DPP6: variants seen among roughly 807,000 people sequenced by gnomAD.
DPP6 encodes the protein dipeptidyl peptidase like 6, also known as A-type potassium channel modulatory protein DPP6.
In DPP6, 69 loss-of-function variants were observed where a neutral mutation model predicts 122.6. That is an observed-to-expected ratio of 0.56 (90% CI 0.46 to 0.69). The LOEUF is 0.69. Ranked by LOEUF, DPP6 falls within the 30% of genes least tolerant of loss-of-function variation. DPP6 has a pLI of 0.00. For missense variants in DPP6, 928 were observed against 1,116.9 expected, an observed-to-expected ratio of 0.83 and a Z score of 2.41; for synonymous variants, 418 against 433.1, an observed-to-expected ratio of 0.97 and a Z score of 0.43.
At chr7:154,268,476 A>G (rs1803578693) in intron 1 of DPP6, among the ~76,000 whole-genome samples, 1 of 152,186 alleles carries the variant, frequency 6.6e-6, no homozygotes, top group Non-Finnish European at 1.5e-5. Flanking sequence ...GATTTCCTTT[A>G]TAAGGGCATT....
At chr7:154,673,644 T>C (rs1431705489) in intron 7 of DPP6, among the ~76,000 whole-genome samples, 4 of 152,192 alleles carry the variant, frequency 2.6e-5, no homozygotes, top group African/African-American at 7.2e-5. Context: ...GGACCCAGGA[T>C]GTGATCTAGG....
intron 18 of DPP6, among the ~76,000 whole-genome samples, 186 bp downstream of exon 18, chr7:154,868,279 C>T (rs1274615395): frequency 1.3e-5 from 2 of 152,054 alleles, no homozygotes; most frequent in Non-Finnish European, 2.9e-5. Context: ...ACTCTGGTGA[C>T]AAAACCAAAA....
At chr7:154,574,271 G>A (rs1053188741) in intron 5 of DPP6, among the ~76,000 whole-genome samples, 1 of 146,370 alleles carries the variant, frequency 6.8e-6, no homozygotes, top group Non-Finnish European at 1.5e-5. Context: ...GTATGTGTGT[G>A]GGGTCTGTGT....
Position 154,127,595 on chromosome 7 carries a change from TCTCACACACA to T in DPP6, c.243+74534_243+74543del, listed in dbSNP as rs1251815533. 8.3e-4 allele frequency among the ~76,000 whole-genome samples: 48 copies of T among 57,764 alleles called. No homozygotes were observed. In the East Asian group the frequency reaches 0.017, roughly 21 times the overall value. 37.9% of individuals were successfully genotyped at this position (57,764 alleles called of 152,430 possible). A position where few individuals can be genotyped will look rare whatever the true frequency, so the allele number is the denominator to read the frequency against. On this transcript the variant is annotated intron_variant, in intron 1 of 25. Coordinates refer to ENST00000377770, the MANE Select transcript of DPP6 (RefSeq NM_130797.4). The stretch of plus-strand genomic sequence containing the variant: ...GGAGTTGGGGTAAACAGGAGCAGCA[TCTCACACACA>T]CACACACACACACACACACACACAC...
intron 10 of DPP6, among the ~76,000 whole-genome samples, chr7:154,775,239 A>G (rs1033565819): frequency 2.0e-5 from 3 of 152,116 alleles, no homozygotes; most frequent in Non-Finnish European, 4.4e-5. Flanking sequence ...CAGTTTCCTC[A>G]TCTGTAAAAT....
intron 1 of DPP6, among the ~76,000 whole-genome samples, chr7:154,425,525 G>T (rs1214173240): frequency 6.6e-6 from 1 of 151,830 alleles, no homozygotes; most frequent in Non-Finnish European, 1.5e-5. Flanking sequence ...TTGCTAGTTA[G>T]TTGATACATG....
chr7:154,691,591 G>A (rs371697568), intron 7 of DPP6, among the ~76,000 whole-genome samples: 12 of 152,256 alleles, frequency 7.9e-5, no homozygotes, highest in African/African-American at 2.4e-4. Flanking sequence ...AAGCCGAGGC[G>A]GGTGGATCAG....
intron 1 of DPP6, among the ~76,000 whole-genome samples, chr7:153,924,388 G>A (rs1337559386): frequency 4.6e-5 from 7 of 152,126 alleles, no homozygotes; most frequent in Non-Finnish European, 7.4e-5. Flanking sequence ...GATTACAGGC[G>A]TGAGCCACTG....
intron 9 of DPP6, among the ~76,000 whole-genome samples, chr7:154,771,923 C>T (rs1050457195): frequency 6.6e-6 from 1 of 152,198 alleles, no homozygotes; most frequent in Non-Finnish European, 1.5e-5. Flanking sequence ...CAGCTGTTCA[C>T]AGCCACCCCA....
At chr7:154,087,652 T>C (rs544142338) in intron 1 of DPP6, among the ~76,000 whole-genome samples, 1 of 152,300 alleles carries the variant, frequency 6.6e-6, no homozygotes, top group African/African-American at 2.4e-5. Flanking sequence ...ATGAAGGCTC[T>C]TAGTTTAAAA....
chr7:154,847,332 C>G (rs1468647323), intron 16 of DPP6, among the ~76,000 whole-genome samples: 1 of 152,128 alleles, frequency 6.6e-6, no homozygotes, highest in Non-Finnish European at 1.5e-5. Flanking sequence ...GTAGAAATAT[C>G]TTTTAAATAT....
At chr7:154,670,037 T>C (rs1210176460) in intron 7 of DPP6, among the ~76,000 whole-genome samples, 1 of 152,162 alleles carries the variant, frequency 6.6e-6, no homozygotes, top group Non-Finnish European at 1.5e-5. Flanking sequence ...TTTTTGTATA[T>C]TTAGTAGAGA....
At chr7:154,250,200 G>GTT (rs1222389848) in intron 1 of DPP6, among the ~76,000 whole-genome samples, 1 of 152,008 alleles carries the variant, frequency 6.6e-6, no homozygotes, top group Non-Finnish European at 1.5e-5. Context: ...CGGGAGCTTG[G>GTT]TTTTTGAGAC....
At chr7:153,912,292 G>A (rs1585020622) in intron 1 of DPP6, among the ~76,000 whole-genome samples, 1 of 152,122 alleles carries the variant, frequency 6.6e-6, no homozygotes, top group Non-Finnish European at 1.5e-5. Context: ...CAAATAAAAC[G>A]AACTGGAACC....
intron 5 of DPP6, among the ~76,000 whole-genome samples, chr7:154,608,028 G>A (rs1833661273): frequency 8.5e-6 from 1 of 117,694 alleles, no homozygotes. Flanking sequence ...CACCCAGGCT[G>A]GAGTGCAGTG....
At chr7:154,252,021 C>T (rs1291850478) in intron 1 of DPP6, among the ~76,000 whole-genome samples, 1 of 152,164 alleles carries the variant, frequency 6.6e-6, no homozygotes, top group Non-Finnish European at 1.5e-5. Flanking sequence ...ACAAGAGCAC[C>T]TTGTGAAATA....
At chr7:154,085,769 C>T (rs1804362713) in intron 1 of DPP6, among the ~76,000 whole-genome samples, 2 of 151,990 alleles carry the variant, frequency 1.3e-5, no homozygotes, top group African/African-American at 4.8e-5. Context: ...ATACTGTCAC[C>T]CAGGCTGGAA....
intron 1 of DPP6, among the ~76,000 whole-genome samples, chr7:153,907,365 G>A (rs1309211648): frequency 2.0e-5 from 3 of 152,198 alleles, no homozygotes; most frequent in African/African-American, 7.2e-5. Context: ...CAAATATAAA[G>A]AGGGACAGAC....
At chr7:154,574,927 GTGTA>G (rs1157051896) in intron 5 of DPP6, among the ~76,000 whole-genome samples, 3 of 141,734 alleles carry the variant, frequency 2.1e-5, no homozygotes, top group Non-Finnish European at 1.5e-5. Flanking sequence ...TATGTGTTTG[GTGTA>G]TGTGTGTTGT....
Sources: gnomAD v4.1 joint callset for allele counts (sites outside exome capture counted in the v4.1 genomes callset) on GRCh38, gnomAD v4.1.1 for gene constraint, MANE v1.5 for transcripts, NCBI Gene and HGNC (gene_info 2026-07-23, HGNC 2026-07-21) for gene names.